TTLL5: variants seen among roughly 807,000 people sequenced by gnomAD.
The protein encoded by TTLL5 is tubulin polyglutamylase TTLL5.
In TTLL5, 132 loss-of-function variants were observed where a neutral mutation model predicts 168.4. The observed-to-expected ratio is 0.78, with a 90% CI of 0.68 to 0.91. The LOEUF (loss-of-function observed/expected upper bound fraction) is 0.91, where lower values mean the gene tolerates loss of function less well. Among genes scored for constraint, TTLL5 ranks in the 40% least tolerant of loss-of-function variants. The pLI is 0.00. For synonymous variants in TTLL5, 546 were observed against 558.6 expected, an observed-to-expected ratio of 0.98 and a Z score of 0.32; for missense variants, 1,545 against 1,581.5, an observed-to-expected ratio of 0.98 and a Z score of 0.39.
chr14:75,723,828 G>A (rs1458410861), intron 12 of TTLL5, among the ~76,000 whole-genome samples: 1 of 152,072 alleles, frequency 6.6e-6, no homozygotes, highest in Admixed American at 6.5e-5. Flanking sequence ...AGTTTTTTAA[G>A]TTGTTGACTA....
intron 6 of TTLL5, among the ~76,000 whole-genome samples, chr14:75,692,153 G>A (rs1258708265): frequency 3.9e-5 from 6 of 152,194 alleles, no homozygotes; most frequent in Non-Finnish European, 7.3e-5. Flanking sequence ...TAAAATGGGA[G>A]TATTGCTGGT....
intron 31 of TTLL5, among the ~76,000 whole-genome samples, chr14:75,926,792 TTACAGTTCCACTCCTAAATA>T (rs2034086384): frequency 6.6e-6 from 1 of 152,190 alleles, no homozygotes; most frequent in Non-Finnish European, 1.5e-5. Flanking sequence ...CCATATGACC[TTACAGTTCCACTCCTAAATA>T]TACATTTAGG....
At chr14:75,772,084 C>G (rs187298921) in intron 21 of TTLL5, among the ~76,000 whole-genome samples, 1 of 152,110 alleles carries the variant, frequency 6.6e-6, no homozygotes. Context: ...GTTCATTACA[C>G]CATGTAGTGA....
intron 22 of TTLL5, among the ~76,000 whole-genome samples, chr14:75,776,509 A>G (rs1248722324): frequency 6.6e-6 from 1 of 152,254 alleles, no homozygotes; most frequent in Non-Finnish European, 1.5e-5. Context: ...AAGTAAAAAC[A>G]TGATTAAAAT....
intron 31 of TTLL5, among the ~76,000 whole-genome samples, chr14:75,942,602 C>T (rs2034645565): frequency 6.6e-6 from 1 of 152,204 alleles, no homozygotes; most frequent in Non-Finnish European, 1.5e-5. Flanking sequence ...GTAACTTATG[C>T]TTCCAAATGA....
Position 75,690,128 on chromosome 14 carries a change from G to A in TTLL5, c.372-64G>A. ...ACTGTGAACTGTAACTCTTTAGAAT[G>A]TGATAACACAGGAAAATTCTGAGTC... On this transcript the variant is annotated intron_variant, in intron 5 of 31. Transcript: ENST00000298832. 1.9e-6 allele frequency: 3 copies of A among 1,583,236 alleles called. 1 individual carries two copies. The highest frequency in any genetic ancestry group is 2.2e-5 in the South Asian group (2 of 89,574).
At chr14:75,701,936 G>A (rs1024621109) in intron 7 of TTLL5, among the ~76,000 whole-genome samples, 1 of 152,156 alleles carries the variant, frequency 6.6e-6, no homozygotes, top group Admixed American at 6.6e-5. Flanking sequence ...ACTCTGGAAG[G>A]GCAGGGGTAG....
At chr14:75,909,211 A>G (rs141385473) in intron 31 of TTLL5, among the ~76,000 whole-genome samples, 1 of 148,994 alleles carries the variant, frequency 6.7e-6, no homozygotes, top group East Asian at 2.0e-4. Flanking sequence ...ATGCAAACCA[A>G]CCAGTCCTGA....
In TTLL5 at chr14:75,852,933, T is replaced by C. The variant is rs1031525092; in HGVS notation, c.3327-10734T>C. On this transcript the variant is annotated intron_variant, in intron 28 of 31. Transcript: ENST00000298832. Reference sequence around the variant, plus strand: ...GATTTCTTAGTAGACTGTTTCAGTATGTATTAAGTTTATATCTAAGTGCAA... The same window carrying C: ...GATTTCTTAGTAGACTGTTTCAGTACGTATTAAGTTTATATCTAAGTGCAA... Among the ~76,000 whole-genome samples, 14 of 152,358 alleles carry C rather than the reference T, an allele frequency of 9.2e-5. No homozygotes were observed. The South Asian group carries it at 2.9e-3, about 32-fold the overall frequency.
chr14:75,713,023 C>A (rs1246485435), intron 9 of TTLL5, among the ~76,000 whole-genome samples: 1 of 152,124 alleles, frequency 6.6e-6, no homozygotes, highest in African/African-American at 2.4e-5. Flanking sequence ...GCTTAAAGGT[C>A]AAAGCCTTAA....
chr14:75,679,683 A>G (rs1039590509), intron 3 of TTLL5, among the ~76,000 whole-genome samples: 1 of 152,348 alleles, frequency 6.6e-6, no homozygotes. Context: ...TCTTAGTGAC[A>G]TGTCCCTAAT....
intron 28 of TTLL5, among the ~76,000 whole-genome samples, chr14:75,840,146 C>G (rs1156323124): frequency 6.6e-6 from 1 of 152,092 alleles, no homozygotes; most frequent in Non-Finnish European, 1.5e-5. Flanking sequence ...ATTGCCAAAT[C>G]CAGTGTCATA....
chr14:75,766,043 A>T lies in TTLL5; in HGVS notation c.1709-19A>T, dbSNP rs2140299070. Reference sequence around the variant, plus strand: ...ATTTAATCCTTTTTTCAGCAACATTAGTGATTCTTCGTATTTAGTGATTAC... The same window carrying T: ...ATTTAATCCTTTTTTCAGCAACATTTGTGATTCTTCGTATTTAGTGATTAC... On this transcript the variant is annotated intron_variant, in intron 19 of 31. Transcript: ENST00000298832. 6.3e-7 allele frequency: 1 copy of T among 1,591,892 alleles called. No homozygotes were observed. The highest frequency in any genetic ancestry group is 8.6e-7 in the Non-Finnish European group (1 of 1,168,236).
intron 20 of TTLL5, among the ~76,000 whole-genome samples, chr14:75,767,588 A>G (rs947549410): frequency 2.0e-5 from 3 of 152,220 alleles, no homozygotes; most frequent in Non-Finnish European, 2.9e-5. Context: ...TACAGACTAG[A>G]GGAATTATAT....
chr14:75,930,588 A>C (rs2034242950), intron 31 of TTLL5: 2 of 984,754 alleles, frequency 2.0e-6, no homozygotes, highest in African/African-American at 3.5e-5. Context: ...ATATCTACTG[A>C]CGTTTCTTGC....
intron 31 of TTLL5, among the ~76,000 whole-genome samples, chr14:75,954,169 T>C (rs1054771926): frequency 7.1e-6 from 1 of 141,458 alleles, no homozygotes; most frequent in Non-Finnish European, 1.5e-5. Flanking sequence ...AGGAGAATGG[T>C]GTGAACCCGG....
At chr14:75,753,965 T>C (rs1221944470) in intron 18 of TTLL5, among the ~76,000 whole-genome samples, 1 of 152,184 alleles carries the variant, frequency 6.6e-6, no homozygotes, top group Non-Finnish European at 1.5e-5. Context: ...CCTTATCCTT[T>C]CTTTTCTCTC....
chr14:75,904,202 CA>C (rs562877528), intron 31 of TTLL5: 108,563 of 815,214 alleles, frequency 0.13, 7 homozygotes, highest in South Asian at 0.15. Flanking sequence ...CTCACTCCTC[CA>C]AAAAAAAAAA....
Position 75,766,939 on chromosome 14 carries a change from G to A in TTLL5, c.2015+571G>A, listed in dbSNP as rs371077258. On this transcript the variant is annotated intron_variant, in intron 20 of 31. Transcript: ENST00000298832. ...AGCACTTTGGGAGGCCGAGGTGGTC[G>A]GATCACCTAAGGTCAGGAGTTCGAG... Among the ~76,000 whole-genome samples, 16 of 152,172 alleles carry A rather than the reference G, an allele frequency of 1.1e-4. No homozygotes were observed. In the South Asian group the frequency reaches 2.7e-3, roughly 26 times the overall value.
Sources: gnomAD v4.1 joint callset for allele counts (sites outside exome capture counted in the v4.1 genomes callset) on GRCh38, gnomAD v4.1.1 for gene constraint, MANE v1.5 for transcripts, NCBI Gene and HGNC (gene_info 2026-07-23, HGNC 2026-07-21) for gene names.